Variants in CSMD1 observed in about 807,000 individuals in gnomAD.
CSMD1 encodes the protein CUB and sushi domain-containing protein 1.
CSMD1 carries 213 observed loss-of-function variants against 417.5 expected under a neutral mutation model. That is an observed-to-expected ratio of 0.51 (90% CI 0.46 to 0.57). The LOEUF is 0.57. CSMD1 is among the 20% of genes least tolerant of loss of function. The pLI is 0.00. For missense variants in CSMD1, 6,923 were observed against 4,529.7 expected (o/e 1.53, Z -15.17); for synonymous variants, 2,862 against 1,736.8 (o/e 1.65, Z -16.11).
chr8:3,348,246 G>A, intron 21 of CSMD1, 85 bp from the exon 22 acceptor site: 1 of 933,470 alleles, frequency 1.1e-6, no homozygotes, highest in Non-Finnish European at 1.6e-6. Context: ...AATCATGATA[G>A]CCTCCTCTTC....
At chr8:3,038,806 A>G (rs552613653) in intron 50 of CSMD1, among the ~76,000 whole-genome samples, 1 of 152,304 alleles carries the variant, frequency 6.6e-6, no homozygotes, top group East Asian at 1.9e-4. Flanking sequence ...GTTGATTATG[A>G]TGAAGACGAC....
Position 4,224,200 on chromosome 8 carries a change from G to A in CSMD1, c.416-192101C>T, listed in dbSNP as rs546828696. Among the ~76,000 whole-genome samples, 44 of 147,450 alleles carry A rather than the reference G, an allele frequency of 3.0e-4. No individual in the cohort carries two copies. The South Asian group carries it at 7.7e-3, about 26-fold the overall frequency. ...TAGACAAGTGAAAGTTATGCAAAGC[G>A]TTTGTGATCCAAGTCCTAAAAAGGC... On this transcript the variant is annotated intron_variant, in intron 3 of 69. Transcript: ENST00000635120.
At chr8:4,543,575 C>A (rs926965165) in intron 2 of CSMD1, among the ~76,000 whole-genome samples, 1 of 142,982 alleles carries the variant, frequency 7.0e-6, no homozygotes, top group Non-Finnish European at 1.5e-5. Flanking sequence ...TGACTATAAA[C>A]GTTCATGCAC....
intron 26 of CSMD1, among the ~76,000 whole-genome samples, chr8:3,232,237 G>C (rs902994507): frequency 6.6e-6 from 1 of 152,038 alleles, no homozygotes; most frequent in Non-Finnish European, 1.5e-5. Flanking sequence ...TCCACTTTTA[G>C]CCACATATAT....
chr8:3,225,088 T>C (rs905805007), intron 27 of CSMD1, among the ~76,000 whole-genome samples: 1 of 152,164 alleles, frequency 6.6e-6, no homozygotes, highest in Non-Finnish European at 1.5e-5. Context: ...TTTTCCCCTA[T>C]ACAAAAAGAG....
At chr8:3,552,073 C>G (rs1479914923) in intron 10 of CSMD1, among the ~76,000 whole-genome samples, 1 of 152,152 alleles carries the variant, frequency 6.6e-6, no homozygotes. Flanking sequence ...ATTGTGAAAA[C>G]AAATGGTAAA....
intron 26 of CSMD1, among the ~76,000 whole-genome samples, chr8:3,240,767 C>T (rs13253921): frequency 0.62 from 93,539 of 151,790 alleles, 30,762 homozygotes; most frequent in South Asian, 0.76. Context: ...GGGTTTGGCA[C>T]CACTGGGTGG....
intron 5 of CSMD1, among the ~76,000 whole-genome samples, chr8:3,815,298 G>C (rs772006466): frequency 2.4e-4 from 37 of 152,048 alleles, no homozygotes; most frequent in Non-Finnish European, 4.6e-4. Context: ...AATAACCAAT[G>C]GTGTTGAGTA....
Position 4,366,241 on chromosome 8 carries a change from A to T in CSMD1, c.415+53712T>A, listed in dbSNP as rs1802062377. On this transcript the variant is annotated intron_variant, in intron 3 of 69. Coordinates refer to ENST00000635120, the MANE Select transcript of CSMD1 (RefSeq NM_033225.6). ...TCTTCAACTGCATCCATGTAGCTGC[A>T]AAAGACGTGATTCTTTTTTTTTTCT... is the stretch of plus-strand genomic sequence containing the variant. 2.3e-5 allele frequency among the ~76,000 whole-genome samples: 3 copies of T among 132,276 alleles called. No homozygotes were observed. In the Admixed American group the frequency reaches 2.4e-4, roughly 10 times the overall value. 86.8% of individuals were successfully genotyped at this position (132,276 alleles called of 152,430 possible). A position where few individuals can be genotyped will look rare whatever the true frequency, so the allele number is the denominator to read the frequency against.
rs1296234671 is a variant in CSMD1, at chr8:4,994,317, G to A, written c.85+15C>T. Reference sequence around the variant, plus strand: ...GGCTCTACCGCCTCCCCGGCCAGGAGCAAGTCCGTCTTACCCTTCGCTGCA... The same window carrying A: ...GGCTCTACCGCCTCCCCGGCCAGGAACAAGTCCGTCTTACCCTTCGCTGCA... On this transcript the variant is annotated intron_variant, in intron 1 of 69. Coordinates refer to ENST00000635120, the MANE Select transcript of CSMD1 (RefSeq NM_033225.6). 3.1e-6 allele frequency: 5 copies of A among 1,607,414 alleles called. No homozygotes were observed. Among genetic ancestry groups the A allele is most frequent in the Non-Finnish European group, 4.2e-6 (5 of 1,178,952 alleles).
intron 3 of CSMD1, among the ~76,000 whole-genome samples, chr8:4,293,304 A>G (rs1221890557): frequency 6.6e-6 from 1 of 152,214 alleles, no homozygotes; most frequent in Non-Finnish European, 1.5e-5. Flanking sequence ...TGGCCAGCAC[A>G]ATGAGAAACT....
At chr8:3,569,432 A>G (rs1372042049) in intron 10 of CSMD1, among the ~76,000 whole-genome samples, 6 of 152,198 alleles carry the variant, frequency 3.9e-5, no homozygotes, top group Non-Finnish European at 7.3e-5. Flanking sequence ...GTATGAATCA[A>G]GAGAGGATTA....
chr8:3,703,661 G>C (rs13254157), intron 7 of CSMD1, among the ~76,000 whole-genome samples: 75,232 of 151,984 alleles, frequency 0.49, 18,742 homozygotes, highest in Admixed American at 0.58. Flanking sequence ...AAGAAGCAGA[G>C]GAAGAGATGA....
At chr8:4,233,710 C>G (rs1266456003) in intron 3 of CSMD1, among the ~76,000 whole-genome samples, 2 of 151,964 alleles carry the variant, frequency 1.3e-5, no homozygotes, top group Non-Finnish European at 2.9e-5. Flanking sequence ...TACAGCAGCC[C>G]CAACAGACTA....
At chr8:4,452,602 A>G (rs375835009) in intron 2 of CSMD1, among the ~76,000 whole-genome samples, 23 of 152,332 alleles carry the variant, frequency 1.5e-4, no homozygotes, top group African/African-American at 5.3e-4. Flanking sequence ...GGTAACGAAA[A>G]AGATAATAGT....
At chr8:4,486,409 C>G (rs1394210647) in intron 2 of CSMD1, among the ~76,000 whole-genome samples, 2 of 150,696 alleles carry the variant, frequency 1.3e-5, no homozygotes, top group African/African-American at 4.9e-5. Context: ...GGAATCATAA[C>G]ATGATTTATA....
Position 4,296,424 on chromosome 8 carries a change from T to G in CSMD1, c.415+123529A>C, listed in dbSNP as rs73502608. Among the ~76,000 whole-genome samples the G allele has an allele frequency of 1.2e-3, 190 of 152,128 alleles. 1 individual carries two copies. The highest frequency in any genetic ancestry group is 4.4e-3 in the African/African-American group (181 of 41,508). On this transcript the variant is annotated intron_variant, in intron 3 of 69. Coordinates refer to ENST00000635120, the MANE Select transcript of CSMD1 (RefSeq NM_033225.6). ...TTAAAATAAAGGGTTATCACAAGAG[T>G]GTGAGATAGCATGGCATTTGGACTC... is the stretch of plus-strand genomic sequence containing the variant.
At chr8:3,757,696 C>T (rs1202234849) in intron 5 of CSMD1, among the ~76,000 whole-genome samples, 1 of 151,980 alleles carries the variant, frequency 6.6e-6, no homozygotes, top group Non-Finnish European at 1.5e-5. Context: ...AACCCTGTCT[C>T]TACTTAGCTG....
At chr8:4,006,603 G>T (rs545591022) in intron 4 of CSMD1, among the ~76,000 whole-genome samples, 14 of 152,248 alleles carry the variant, frequency 9.2e-5, no homozygotes, top group South Asian at 4.2e-4. Flanking sequence ...ATTTATAATT[G>T]ATCCTTCCCC....
Sources: gnomAD v4.1 joint callset for allele counts (sites outside exome capture counted in the v4.1 genomes callset) on GRCh38, gnomAD v4.1.1 for gene constraint, MANE v1.5 for transcripts, NCBI Gene and HGNC (gene_info 2026-07-23, HGNC 2026-07-21) for gene names.